CSMD1: variants seen among roughly 807,000 people sequenced by gnomAD.
CSMD1 encodes CUB and Sushi multiple domains 1.
Under a neutral mutation model 417.5 loss-of-function variants are expected in CSMD1, and 213 were observed. The ratio of observed to expected loss-of-function variants is 0.51; its 90% confidence interval spans 0.46 to 0.57. The LOEUF is 0.57. Among genes scored for constraint, CSMD1 ranks in the 20% least tolerant of loss-of-function variants. CSMD1 has a pLI of 0.00. For missense variants in CSMD1, 6,923 were observed against 4,529.7 expected, an observed-to-expected ratio of 1.53 and a Z score of -15.17; for synonymous variants, 2,862 against 1,736.8, an observed-to-expected ratio of 1.65 and a Z score of -16.11.
chr8:3,326,083 C>T (rs1019298843), intron 23 of CSMD1, among the ~76,000 whole-genome samples: 1 of 152,148 alleles, frequency 6.6e-6, no homozygotes, highest in Non-Finnish European at 1.5e-5. Context: ...ACAAATCTCC[C>T]ATTACAGCCA....
intron 3 of CSMD1, among the ~76,000 whole-genome samples, chr8:4,117,950 G>GAAA (rs112018951): frequency 2.2e-5 from 3 of 139,102 alleles, no homozygotes; most frequent in South Asian, 2.4e-4. Flanking sequence ...CAAGTCAATA[G>GAAA]GAAAAAAAAA....
At chr8:3,158,727 C>A (rs1343134993) in intron 38 of CSMD1, among the ~76,000 whole-genome samples, 2 of 151,738 alleles carry the variant, frequency 1.3e-5, no homozygotes, top group East Asian at 3.9e-4. Context: ...ATCCATGAGA[C>A]CTCTGTGTGC....
chr8:3,190,049 C>G lies in CSMD1; in HGVS notation c.5261G>C (p.Gly1754Ala). ...GATGGAGCCGGCAGAAAACTCAGAA[C>G]CAATTCTCCTTCCGTATCTGGGCTC... ...VPEPRYGRRI[G>A]SEFSAGSIVR... The change falls in exon 34 of 70, where the codon GGT (glycine) becomes GCT (alanine). Residue 1754 changes from glycine (G) to alanine (A), a missense_variant. By Grantham distance (60) the Gly-to-Ala change is moderately conservative (BLOSUM62 0). Coordinates refer to ENST00000635120, the MANE Select transcript of CSMD1 (RefSeq NM_033225.6). The G allele has an allele frequency of 6.3e-7, 1 of 1,595,966 alleles. No individual in the cohort carries two copies. Among genetic ancestry groups the G allele is most frequent in the Non-Finnish European group, 8.5e-7 (1 of 1,171,444 alleles).
intron 1 of CSMD1, among the ~76,000 whole-genome samples, chr8:4,687,672 C>G (rs1406273725): frequency 6.6e-6 from 1 of 152,130 alleles, no homozygotes; most frequent in African/African-American, 2.4e-5. Context: ...AAATGAGCTG[C>G]CGCTGTTTTT....
intron 10 of CSMD1, among the ~76,000 whole-genome samples, chr8:3,543,861 A>G (rs1798545260): frequency 6.6e-6 from 1 of 152,208 alleles, no homozygotes; most frequent in Non-Finnish European, 1.5e-5. Flanking sequence ...TTGAAGCTGC[A>G]GGATCAGAGT....
chr8:3,047,324 C>T (rs1425519156), intron 50 of CSMD1, among the ~76,000 whole-genome samples: 1 of 152,030 alleles, frequency 6.6e-6, no homozygotes, highest in Non-Finnish European at 1.5e-5. Flanking sequence ...CAGACGATTC[C>T]CGTGTTCCTT....
chr8:3,892,332 C>G (rs556292690), intron 5 of CSMD1, among the ~76,000 whole-genome samples: 1 of 152,184 alleles, frequency 6.6e-6, no homozygotes, highest in South Asian at 2.1e-4. Flanking sequence ...TGTCTTCAGC[C>G]TATGTCTTCA....
chr8:4,027,258 A>G (rs919775638), intron 4 of CSMD1, among the ~76,000 whole-genome samples: 9 of 152,174 alleles, frequency 5.9e-5, no homozygotes, highest in African/African-American at 1.9e-4. Context: ...CTGATAAAAG[A>G]AATGTTAGGA....
chr8:3,733,806 G>C (rs1021924999), intron 6 of CSMD1, among the ~76,000 whole-genome samples: 1 of 152,134 alleles, frequency 6.6e-6, no homozygotes, highest in African/African-American at 2.4e-5. Context: ...CATACTGTTA[G>C]AACTGTTTTT....
chr8:3,370,164 C>A (rs960333569), intron 18 of CSMD1, among the ~76,000 whole-genome samples: 1 of 152,166 alleles, frequency 6.6e-6, no homozygotes, highest in South Asian at 2.1e-4. Context: ...GAATAGACTC[C>A]ATATGCCCTA....
At chr8:4,468,480 A>G (rs1800325715) in intron 2 of CSMD1, among the ~76,000 whole-genome samples, 1 of 152,190 alleles carries the variant, frequency 6.6e-6, no homozygotes, top group South Asian at 2.1e-4. Context: ...TTGATATACC[A>G]ACTCATTCTT....
chr8:4,787,420 G>C lies in CSMD1; in HGVS notation c.86-149862C>G, dbSNP rs1451217476. The C allele has an allele frequency of 1.3e-5, 10 of 752,274 alleles. No individual in the cohort carries two copies. In the Middle Eastern group the frequency reaches 8.5e-4, roughly 64 times the overall value. 46.6% of individuals were successfully genotyped at this position (752,274 alleles called of 1,614,324 possible). The stretch of plus-strand genomic sequence containing the variant: ...TACGAAAAGTCCTCCTGCAGTCCAA[G>C]GACAAGATTACAGCAGGAAATGTAG... On this transcript the variant is annotated intron_variant, in intron 1 of 69. Coordinates refer to ENST00000635120, the MANE Select transcript of CSMD1 (RefSeq NM_033225.6).
rs531598837 is a variant in CSMD1 at position 4,884,112 on chromosome 8, T to C, written c.85+110220A>G. On this transcript the variant is annotated intron_variant, in intron 1 of 69. Transcript: ENST00000635120. The stretch of plus-strand genomic sequence containing the variant: ...TATTGAACAAATTTCCAGAAGGTGA[T>C]CTGTCTACTTTACTGGGATCAATGT... Among the ~76,000 whole-genome samples the C allele has an allele frequency of 3.3e-5, 5 of 152,198 alleles. No homozygotes were observed. The East Asian group carries it at 9.7e-4, about 29-fold the overall frequency.
At chr8:3,445,961 G>T (rs184667640) in intron 12 of CSMD1, among the ~76,000 whole-genome samples, 1 of 152,288 alleles carries the variant, frequency 6.6e-6, no homozygotes, top group Admixed American at 6.5e-5. Flanking sequence ...TGAAATGACT[G>T]CTTGTTCTGG....
intron 12 of CSMD1, among the ~76,000 whole-genome samples, chr8:3,411,048 G>C (rs1273672171): frequency 6.6e-6 from 1 of 152,158 alleles, no homozygotes; most frequent in Non-Finnish European, 1.5e-5. Flanking sequence ...AGGTGGTTTG[G>C]AGCAGAAGGG....
At chr8:4,446,717 TTGTGTGTGTGTGTGTCTGTG>T (rs1189963038) in intron 2 of CSMD1, among the ~76,000 whole-genome samples, 20 of 144,556 alleles carry the variant, frequency 1.4e-4, no homozygotes, top group African/African-American at 4.3e-4. Flanking sequence ...CATGCCTGAG[TTGTGTGTGTGTGTGTCTGTG>T]TGTGTGTGTG....
At chr8:4,448,919 G>C (rs150633957) in intron 2 of CSMD1, among the ~76,000 whole-genome samples, 2 of 152,090 alleles carry the variant, frequency 1.3e-5, no homozygotes, top group African/African-American at 2.4e-5. Context: ...CATCTATTAA[G>C]TTCAAAATTT....
chr8:3,924,370 A>G (rs1449142263), intron 5 of CSMD1, among the ~76,000 whole-genome samples: 1 of 152,142 alleles, frequency 6.6e-6, no homozygotes, highest in Non-Finnish European at 1.5e-5. Flanking sequence ...CTCAAGCTGC[A>G]TTTAATTCAT....
At chr8:3,757,893 C>T (rs889610253) in intron 5 of CSMD1, among the ~76,000 whole-genome samples, 50 of 151,906 alleles carry the variant, frequency 3.3e-4, no homozygotes, top group Admixed American at 8.5e-4. Context: ...ACAAAAACAC[C>T]GAGCTGGAAG....
Sources: gnomAD v4.1 joint callset for allele counts (sites outside exome capture counted in the v4.1 genomes callset) on GRCh38, gnomAD v4.1.1 for gene constraint, MANE v1.5 for transcripts, NCBI Gene and HGNC (gene_info 2026-07-23, HGNC 2026-07-21) for gene names.